Variants in AGAP3 observed in about 807,000 individuals in gnomAD.
The protein encoded by AGAP3 is ArfGAP with GTPase domain, ankyrin repeat and PH domain 3.
Under a neutral mutation model 96.9 loss-of-function variants are expected in AGAP3, and 24 were observed. The ratio of observed to expected loss-of-function variants is 0.25; its 90% CI spans 0.18 to 0.35. The LOEUF is 0.35. Among genes scored for constraint, AGAP3 ranks in the 10% least tolerant of loss-of-function variants. The pLI, the probability that AGAP3 is intolerant of heterozygous loss-of-function variation, is 1.00. For missense variants in AGAP3, 876 were observed against 1,254.2 expected (o/e 0.70, Z 4.55); for synonymous variants, 563 against 536.1 (o/e 1.05, Z -0.69).
In AGAP3 at chr7:151,141,888, C is replaced by T; in HGVS notation, c.1805-10C>T. The T allele has an allele frequency of 6.2e-7, 1 of 1,614,130 alleles. No individual in the cohort carries two copies. The highest frequency in any genetic ancestry group is 8.5e-7 in the Non-Finnish European group (1 of 1,180,010). ...CAGGAGCCCTGATGGCATAAACACC[C>T]CCCCAACAGAGGCAGAGGAGTCGTT... On this transcript the variant is annotated splice_polypyrimidine_tract_variant and intron_variant, in intron 13 of 17. Transcript: ENST00000397238. The surrounding 1 kb of genome is among the most constrained non-coding windows in gnomAD (Gnocchi z 4.2).
chr7:151,110,777 C>T (rs1462508632), intron 1 of AGAP3, among the ~76,000 whole-genome samples: 1 of 152,082 alleles, frequency 6.6e-6, no homozygotes, highest in Admixed American at 6.6e-5. Context: ...GGGAGCGCCA[C>T]CAGGACTGAC....
In AGAP3 at chr7:151,122,970, T is replaced by A. The variant is rs1226241019; in HGVS notation, c.1129-824T>A. On this transcript the variant is annotated intron_variant, in intron 8 of 17. Transcript: ENST00000397238. Reference sequence around the variant, plus strand: ...AGGCTAGGAGCGCCGGAGCCCGCGCTGGGGGCTGCCGGGGACCAGGCCCGG... The same window carrying A: ...AGGCTAGGAGCGCCGGAGCCCGCGCAGGGGGCTGCCGGGGACCAGGCCCGG... 2.8e-6 allele frequency: 4 copies of A among 1,428,166 alleles called. No individual in the cohort carries two copies. In the Admixed American group the frequency reaches 1.2e-4, roughly 42 times the overall value. The allele number at this position is 1,428,166 out of a possible 1,614,324, so 88.5% of individuals were successfully genotyped here. A position where few individuals can be genotyped will look rare whatever the true frequency, so the allele number is the denominator to read the frequency against.
Position 151,118,739 on chromosome 7 carries a change from T to C in AGAP3, c.969+107T>C. The stretch of plus-strand genomic sequence containing the variant: ...TCCTGCTCACACCTGTCCACCTTCC[T>C]CTGGCCTCCCAGCCTTGCATGTTGC... On this transcript the variant is annotated intron_variant, in intron 7 of 17. Transcript: ENST00000397238. This position sits in a 1 kb window ranked among gnomAD's most constrained non-coding sequence, Gnocchi z 6.1. 7.1e-7 allele frequency: 1 copy of C among 1,414,878 alleles called. No individual in the cohort carries two copies. The allele number at this position is 1,414,878 out of a possible 1,614,324, so 87.6% of individuals were successfully genotyped here. A position where few individuals can be genotyped will look rare whatever the true frequency, so the allele number is the denominator to read the frequency against.
In AGAP3 at chr7:151,140,064, GA is replaced by G; in HGVS notation, c.1757del (p.Lys586ArgfsTer105). 2 of 1,606,258 alleles carry G rather than the reference GA, an allele frequency of 1.2e-6. No individual in the cohort carries two copies. Among genetic ancestry groups the G allele is most frequent in the Non-Finnish European group, 1.7e-6 (2 of 1,176,810 alleles). ...PHSNRKKHRR[K>X]KSTGTPRPDG... ...ACTCCAACCGGAAGAAGCACCGGAG[GA>G]AAAAGAGCACCGGGACCCCCCGACC... On this transcript the variant is annotated frameshift_variant, in exon 13 of 18. Transcript: ENST00000397238. LOFTEE classifies it high-confidence loss of function. The surrounding 1 kb of genome is among the most constrained non-coding windows in gnomAD (Gnocchi z 5.4).
rs1416268508 is a variant in AGAP3, at chr7:151,129,710, G to A, written c.1326+1026G>A. Among the ~76,000 whole-genome samples, 8 of 111,290 alleles carry A rather than the reference G, an allele frequency of 7.2e-5. No homozygotes were observed. In the East Asian group the frequency reaches 1.1e-3, roughly 16 times the overall value. 73.0% of individuals were successfully genotyped at this position (111,290 alleles called of 152,430 possible). A position where few individuals can be genotyped will look rare whatever the true frequency, so the allele number is the denominator to read the frequency against. On this transcript the variant is annotated intron_variant, in intron 10 of 17. Coordinates refer to ENST00000397238, the MANE Select transcript of AGAP3 (RefSeq NM_031946.7). Reference sequence around the variant, plus strand: ...CGCCCGACCCCCCCACCTCCCCACCGCGGGCACAGACCTTGTCCCACTCGC... The same window carrying A: ...CGCCCGACCCCCCCACCTCCCCACCACGGGCACAGACCTTGTCCCACTCGC...
At chr7:151,126,795 G>A (rs938232275) in intron 9 of AGAP3, among the ~76,000 whole-genome samples, 3 of 152,160 alleles carry the variant, frequency 2.0e-5, no homozygotes, top group African/African-American at 4.8e-5. Flanking sequence ...GGCAGGGCCC[G>A]CTTGCCTTGT....
chr7:151,129,007 A>T (rs748795250), intron 10 of AGAP3, among the ~76,000 whole-genome samples: 3 of 152,166 alleles, frequency 2.0e-5, no homozygotes, highest in Non-Finnish European at 2.9e-5. Context: ...GGGCAGTGCC[A>T]GTGGGGAGCT....
In AGAP3 at chr7:151,143,683, C is replaced by T; in HGVS notation, c.2530-54C>T. On this transcript the variant is annotated intron_variant, in intron 17 of 17. Transcript: ENST00000397238. The surrounding 1 kb of genome is among the most constrained non-coding windows in gnomAD (Gnocchi z 5.9). ...AACCTCTTCTTTCCTCCCCTACAAC[C>T]AATCTCTCTCCTCCCATGTCTTGCC... The T allele has an allele frequency of 6.2e-7, 1 of 1,610,968 alleles. No homozygotes were observed. The highest frequency in any genetic ancestry group is 2.2e-5 in the East Asian group (1 of 44,820).
intron 1 of AGAP3, among the ~76,000 whole-genome samples, chr7:151,099,238 GA>G (rs2064708715): frequency 6.6e-6 from 1 of 151,744 alleles, no homozygotes; most frequent in Non-Finnish European, 1.5e-5. Context: ...AGCTACTCGG[GA>G]GGCTGAGGCA....
chr7:151,089,523 T>G (rs1230713827), intron 1 of AGAP3, among the ~76,000 whole-genome samples: 1 of 151,866 alleles, frequency 6.6e-6, no homozygotes, highest in Non-Finnish European at 1.5e-5. Context: ...GGTGAAGGGT[T>G]TGTTTGTCCC....
chr7:151,115,152 A>G, intron 1 of AGAP3: 1 of 1,044,744 alleles, frequency 9.6e-7, no homozygotes, highest in South Asian at 3.2e-5. Flanking sequence ...GGCCAGCATG[A>G]CTTTCCTGGA....
chr7:151,124,669 C>A (rs140779880), intron 9 of AGAP3, among the ~76,000 whole-genome samples: 311 of 152,342 alleles, frequency 2.0e-3, no homozygotes, highest in African/African-American at 7.0e-3. Context: ...GCCCCTGAGC[C>A]TGGCGTGGCA....
intron 1 of AGAP3, chr7:151,115,638 A>C: frequency 6.0e-6 from 7 of 1,162,188 alleles, no homozygotes; most frequent in East Asian, 3.9e-5. Context: ...GCGCGCGCCC[A>C]GCGGTAAGGG....
At chr7:151,124,921 T>C (rs772098446) in intron 9 of AGAP3, among the ~76,000 whole-genome samples, 4 of 152,218 alleles carry the variant, frequency 2.6e-5, no homozygotes, top group Non-Finnish European at 5.9e-5. Flanking sequence ...GAAATGTTCG[T>C]TGCATTTATG....
intron 10 of AGAP3, among the ~76,000 whole-genome samples, chr7:151,130,869 A>G (rs1449489437): frequency 6.6e-6 from 1 of 151,752 alleles, no homozygotes; most frequent in East Asian, 1.9e-4. Context: ...CACCTCCTTC[A>G]TCTCCCCTGG....
intron 1 of AGAP3, among the ~76,000 whole-genome samples, chr7:151,098,557 G>T (rs1459560645): frequency 6.6e-6 from 1 of 152,040 alleles, no homozygotes; most frequent in East Asian, 1.9e-4. Flanking sequence ...GGAGGCTGAG[G>T]TGAGAGGACT....
At position 151,108,165 on chromosome 7, in the gene AGAP3, G is replaced by A. The variant is rs959239881; in HGVS notation, c.332-8628G>A. ...ATGGCCAGATGGGACAAAGCCAGGA[G>A]GCCAGATGGGGGACATGCTAAGGGA... On this transcript the variant is annotated intron_variant, in intron 1 of 17. Transcript: ENST00000397238. This position sits in a 1 kb window ranked among gnomAD's most constrained non-coding sequence, Gnocchi z 4.2. Among the ~76,000 whole-genome samples the A allele has an allele frequency of 6.6e-6, 1 of 152,204 alleles. No individual in the cohort carries two copies. The highest frequency in any genetic ancestry group is 2.1e-4 in the South Asian group (1 of 4,834).
chr7:151,113,140 A>G (rs374498710), intron 1 of AGAP3, among the ~76,000 whole-genome samples: 199 of 152,216 alleles, frequency 1.3e-3, no homozygotes, highest in African/African-American at 4.5e-3. Flanking sequence ...GGGCAGATAC[A>G]CGTAGATAGG....
Position 151,086,725 on chromosome 7 carries a change from C to T in AGAP3, c.-17C>T. On this transcript the variant is annotated 5_prime_UTR_variant, in exon 1 of 18. Coordinates refer to ENST00000397238, the MANE Select transcript of AGAP3 (RefSeq NM_031946.7). ...GCGCCGCCCCGGGCCCGCCTCGGGCCCCACGGCTCCGAAGCCATGAACTTC... is the reference window on the plus strand; with the variant it reads ...GCGCCGCCCCGGGCCCGCCTCGGGCTCCACGGCTCCGAAGCCATGAACTTC... The T allele has an allele frequency of 3.4e-6, 3 of 877,686 alleles. No homozygotes were observed. Among genetic ancestry groups the T allele is most frequent in the Non-Finnish European group, 4.1e-6 (3 of 734,546 alleles). 54.4% of individuals were successfully genotyped at this position (877,686 alleles called of 1,614,324 possible). A position where few individuals can be genotyped will look rare whatever the true frequency, so the allele number is the denominator to read the frequency against.
Sources: allele counts gnomAD v4.1 joint callset (sites outside exome capture counted in the v4.1 genomes callset), GRCh38; gene constraint gnomAD v4.1.1; non-coding constraint Gnocchi (gnomAD v3.1); transcripts MANE v1.5; gene names NCBI Gene and HGNC (gene_info 2026-07-23, HGNC 2026-07-21).